CNTNAP3B: variants seen among roughly 807,000 people sequenced by gnomAD.
CNTNAP3B encodes the protein contactin associated protein family member 3B, also known as contactin-associated protein-like 3B.
In CNTNAP3B, 25 loss-of-function variants were observed where a neutral mutation model predicts 108.9. The ratio of observed to expected loss-of-function variants is 0.23; its 90% CI spans 0.17 to 0.32. The LOEUF is 0.32. CNTNAP3B is among the 10% of genes least tolerant of loss of function. The probability of loss-of-function intolerance (pLI) is 1.00; values close to 1 mark genes in which losing one functional copy is unlikely to be tolerated. For missense variants in CNTNAP3B, 252 were observed against 1,210.4 expected (o/e 0.21, Z 11.75); for synonymous variants, 103 against 473.4 (o/e 0.22, Z 10.16).
chr9:42,110,860 A>G (rs1828180519), intron 1 of CNTNAP3B, among the ~76,000 whole-genome samples: 1 of 140,210 alleles, frequency 7.1e-6, no homozygotes, highest in African/African-American at 2.8e-5. Context: ...CTTATTATGA[A>G]TCTGAATTGA....
chr9:41,925,542 G>A lies in CNTNAP3B; in HGVS notation c.2366-1449C>T, dbSNP rs370908845. Among the ~76,000 whole-genome samples the A allele has an allele frequency of 6.6e-5, 10 of 152,400 alleles. No individual in the cohort carries two copies. The East Asian group carries it at 9.6e-4, about 15-fold the overall frequency. On this transcript the variant is annotated intron_variant, in intron 15 of 23. Coordinates refer to ENST00000377561, the MANE Select transcript of CNTNAP3B (RefSeq NM_001201380.3). ...CGGGAGGCGGAGCTTGCAGTGAGCCGAGATCCTGCCACTGCACTCCAGCCT... is the reference window on the plus strand; with the variant it reads ...CGGGAGGCGGAGCTTGCAGTGAGCCAAGATCCTGCCACTGCACTCCAGCCT...
At chr9:42,093,133 C>T (rs544052546) in intron 2 of CNTNAP3B, among the ~76,000 whole-genome samples, 1 of 96,660 alleles carries the variant, frequency 1.0e-5, no homozygotes, top group Non-Finnish European at 2.2e-5. Context: ...AGGCGGATCA[C>T]GAGGTCAGGA....
chr9:41,979,946 T>C (rs1825595507), intron 9 of CNTNAP3B: 6 of 11,922 alleles, frequency 5.0e-4, no homozygotes, highest in African/African-American at 1.1e-3. Context: ...GAGGAAACCT[T>C]TTTTTTTTTT....
chr9:42,033,278 A>G (rs1156531628), intron 3 of CNTNAP3B, among the ~76,000 whole-genome samples: 2 of 149,978 alleles, frequency 1.3e-5, no homozygotes, highest in African/African-American at 5.0e-5. Flanking sequence ...TTGAGATAAA[A>G]TCTCATCCAT....
intron 13 of CNTNAP3B, among the ~76,000 whole-genome samples, chr9:41,944,771 G>T (rs1269984823): frequency 6.6e-6 from 1 of 152,268 alleles, no homozygotes; most frequent in Non-Finnish European, 1.5e-5. Context: ...TGACAAATGG[G>T]ATCTAATTAA....
chr9:42,077,352 T>C lies in CNTNAP3B; in HGVS notation c.197-290A>G, dbSNP rs945824826. On this transcript the variant is annotated intron_variant, in intron 2 of 23. Transcript: ENST00000377561. ...CTGTCAACTTTTGGAACTAGTGTTA[T>C]TTCATAGCCCTTGTGCAAGATTTGC... Among the ~76,000 whole-genome samples, 20 of 132,992 alleles carry C rather than the reference T, an allele frequency of 1.5e-4. 1 individual carries two copies. The highest frequency in any genetic ancestry group is 5.3e-4 in the Admixed American group (7 of 13,246). 87.2% of individuals were successfully genotyped at this position (132,992 alleles called of 152,430 possible).
intron 14 of CNTNAP3B, among the ~76,000 whole-genome samples, chr9:41,935,029 T>C (rs1400107938): frequency 2.6e-5 from 4 of 152,066 alleles, no homozygotes; most frequent in African/African-American, 9.7e-5. Flanking sequence ...CTGAATTATA[T>C]GTTATATGTA....
rs200259102 is a variant in CNTNAP3B, at chr9:42,128,488, C to T, written c.85+522G>A. On this transcript the variant is annotated intron_variant, in intron 1 of 23. Transcript: ENST00000377561. ...AGTGTTATTCCCTTAGTAGTTAGGG[C>T]AGGTTATTAATTTAGTTTCGCCTAC... 1.5e-5 allele frequency among the ~76,000 whole-genome samples: 2 copies of T among 137,440 alleles called. 1 individual carries two copies. Among genetic ancestry groups the T allele is most frequent in the East Asian group, 4.4e-4 (2 of 4,538 alleles). The allele number at this position is 137,440 out of a possible 152,430, so 90.2% of individuals were successfully genotyped here. A position where few individuals can be genotyped will look rare whatever the true frequency, so the allele number is the denominator to read the frequency against.
rs1311921702 is a variant in CNTNAP3B, at chr9:42,087,524, G to A, written c.197-10462C>T. ...TCTGCTATGAGTGTAATATTCATAC[G>A]TGCCCTATTGCATTGCCCCTGTGGG... On this transcript the variant is annotated intron_variant, in intron 2 of 23. Transcript: ENST00000377561. 8.4e-5 allele frequency among the ~76,000 whole-genome samples: 12 copies of A among 142,390 alleles called. 1 individual carries two copies. Among genetic ancestry groups the A allele is most frequent in the African/African-American group, 1.9e-4 (7 of 37,552 alleles). 93.4% of individuals were successfully genotyped at this position (142,390 alleles called of 152,430 possible).
At chr9:41,919,236 G>C (rs960602955) in intron 18 of CNTNAP3B, among the ~76,000 whole-genome samples, 2 of 152,060 alleles carry the variant, frequency 1.3e-5, no homozygotes, top group African/African-American at 2.4e-5. Context: ...CCGGGTTCAA[G>C]CAATTCTCCT....
intron 13 of CNTNAP3B, among the ~76,000 whole-genome samples, chr9:41,939,396 G>A (rs201476011): frequency 0.21 from 28,820 of 140,068 alleles, no homozygotes; most frequent in South Asian, 0.25. Context: ...CTGGAACTTA[G>A]CTTCTACCTT....
rs1480345210 is a variant in CNTNAP3B at position 41,948,689 on chromosome 9, A to AT, written c.2080+4493dup. 1.3e-4 allele frequency among the ~76,000 whole-genome samples: 20 copies of AT among 150,928 alleles called. No homozygotes were observed. In the Admixed American group the frequency reaches 1.3e-3, roughly 10 times the overall value. On this transcript the variant is annotated intron_variant, in intron 13 of 23. Coordinates refer to ENST00000377561, the MANE Select transcript of CNTNAP3B (RefSeq NM_001201380.3). ...TCTAGTTATGCAAAGCTGATTCAAC[A>AT]TATCAACAGACAAAAGAAGAAATAT...
At chr9:41,939,331 T>C (rs1340220174) in intron 13 of CNTNAP3B, among the ~76,000 whole-genome samples, 31 of 151,140 alleles carry the variant, frequency 2.1e-4, no homozygotes, top group African/African-American at 7.2e-4. Flanking sequence ...CTTGATCATG[T>C]GGTGCTGTTT....
At chr9:41,951,238 A>T (rs1228890605) in intron 13 of CNTNAP3B, among the ~76,000 whole-genome samples, 1 of 146,336 alleles carries the variant, frequency 6.8e-6, no homozygotes, top group Non-Finnish European at 1.5e-5. Context: ...CAATTATCTC[A>T]AAATTTTTTT....
At chr9:41,940,362 T>C (rs1392013309) in intron 13 of CNTNAP3B, among the ~76,000 whole-genome samples, 2 of 152,280 alleles carry the variant, frequency 1.3e-5, no homozygotes, top group African/African-American at 2.4e-5. Context: ...AATAACACAT[T>C]ACCTGCCTGT....
chr9:41,925,450 A>C (rs1225900649), intron 15 of CNTNAP3B, among the ~76,000 whole-genome samples: 1 of 152,174 alleles, frequency 6.6e-6, no homozygotes, highest in African/African-American at 2.4e-5. Context: ...AAAATTAGCC[A>C]GGCATGGTGG....
rs572989753 is a variant in CNTNAP3B, at chr9:42,095,167, C to T, written c.196+9462G>A. ...TGTACCTACTGACCAACATCTCCCC[C>T]TTCCCTATCCACCTTCTCCTCTAGC... On this transcript the variant is annotated intron_variant, in intron 2 of 23. Transcript: ENST00000377561. 2.6e-4 allele frequency among the ~76,000 whole-genome samples: 36 copies of T among 135,908 alleles called. 5 individuals are homozygous for T. The South Asian group carries it at 7.5e-3, about 28-fold the overall frequency. The allele number at this position is 135,908 out of a possible 152,430, so 89.2% of individuals were successfully genotyped here.
At chr9:42,109,357 G>A (rs574403219) in intron 1 of CNTNAP3B, among the ~76,000 whole-genome samples, 82 of 148,086 alleles carry the variant, frequency 5.5e-4, no homozygotes, top group South Asian at 1.3e-3. Flanking sequence ...GGAGAGATGC[G>A]TATAAAAGTG....
chr9:42,046,187 T>C (rs1287850134), intron 3 of CNTNAP3B, among the ~76,000 whole-genome samples: 1 of 113,476 alleles, frequency 8.8e-6, no homozygotes, highest in Non-Finnish European at 1.8e-5. Context: ...CCAGAATCTT[T>C]CTGTCCACAT....
Sources: allele counts gnomAD v4.1 joint callset (sites outside exome capture counted in the v4.1 genomes callset), GRCh38; gene constraint gnomAD v4.1.1; transcripts MANE v1.5; gene names NCBI Gene and HGNC (gene_info 2026-07-23, HGNC 2026-07-21).